Variants in SLCO2A1 observed in about 807,000 individuals in gnomAD.
SLCO2A1 encodes matrin F/G 1.
SLCO2A1 carries 60 observed loss-of-function variants against 71.7 expected under a neutral mutation model. The ratio of observed to expected loss-of-function variants is 0.84; its 90% CI spans 0.68 to 1.04. SLCO2A1 has a LOEUF of 1.04. SLCO2A1 is among the 50% of genes least tolerant of loss of function. SLCO2A1 has a pLI of 0.00. For synonymous variants in SLCO2A1, 308 were observed against 326.7 expected, an observed-to-expected ratio of 0.94 and a Z score of 0.62; for missense variants, 745 against 813.4, an observed-to-expected ratio of 0.92 and a Z score of 1.02.
rs188266798 is a variant in SLCO2A1, at chr3:134,021,004, T to C, written c.96+8703A>G. ...CCATTTGAGTGGAAGCGTGGCCTCA[T>C]CACCCACGGCATGCCTGTACCGGCA... is the stretch of plus-strand genomic sequence containing the variant. On this transcript the variant is annotated intron_variant, in intron 1 of 13. Transcript: ENST00000310926. Among the ~76,000 whole-genome samples the C allele has an allele frequency of 2.9e-3, 438 of 152,362 alleles. 2 individuals carry two copies. Among genetic ancestry groups the C allele is most frequent in the African/African-American group, 9.9e-3 (412 of 41,598 alleles).
Position 134,029,827 on chromosome 3 carries a change from G to C in SLCO2A1, c.-25C>G. 6 of 1,356,902 alleles carry C rather than the reference G, an allele frequency of 4.4e-6. No homozygotes were observed. Among genetic ancestry groups the C allele is most frequent in the Non-Finnish European group, 5.7e-6 (6 of 1,052,944 alleles). The allele number at this position is 1,356,902 out of a possible 1,614,324, so 84.1% of individuals were successfully genotyped here. A position where few individuals can be genotyped will look rare whatever the true frequency, so the allele number is the denominator to read the frequency against. On this transcript the variant is annotated 5_prime_UTR_variant, in exon 1 of 14. Coordinates refer to ENST00000310926, the MANE Select transcript of SLCO2A1 (RefSeq NM_005630.3). ...TGGCTGCGGGCGGCTGGCCGGGCGC[G>C]GAGTGGCGCGGGGTCGGGGCGCCTC...
intron 1 of SLCO2A1, among the ~76,000 whole-genome samples, chr3:133,984,798 T>C (rs1426878876): frequency 6.6e-6 from 1 of 152,220 alleles, no homozygotes; most frequent in African/African-American, 2.4e-5. Flanking sequence ...GTTATAGTTT[T>C]TGATGATTTG....
At chr3:133,982,385 C>T (rs1934615489) in intron 1 of SLCO2A1, among the ~76,000 whole-genome samples, 1 of 152,184 alleles carries the variant, frequency 6.6e-6, no homozygotes, top group Admixed American at 6.5e-5. Context: ...GGATGATGGC[C>T]TCCAATCTCA....
At chr3:134,010,427 A>G (rs1346755314) in intron 1 of SLCO2A1, among the ~76,000 whole-genome samples, 1 of 152,056 alleles carries the variant, frequency 6.6e-6, no homozygotes, top group Non-Finnish European at 1.5e-5. Context: ...CAAGAGTGAG[A>G]GTGCAAAGGG....
chr3:134,018,686 A>C (rs1173118625), intron 1 of SLCO2A1, among the ~76,000 whole-genome samples: 1 of 152,194 alleles, frequency 6.6e-6, no homozygotes, highest in African/African-American at 2.4e-5. Context: ...TTTGGTCCCA[A>C]GGGCAAGTTT....
intron 12 of SLCO2A1, among the ~76,000 whole-genome samples, chr3:133,936,463 C>A (rs1347622060): frequency 6.6e-6 from 1 of 152,206 alleles, no homozygotes; most frequent in Non-Finnish European, 1.5e-5. Flanking sequence ...CAATACCTGG[C>A]TGCTCAAAGC....
Position 133,948,677 on chromosome 3 carries a change from G to A in SLCO2A1, c.964C>T (p.Leu322Phe), listed in dbSNP as rs770557222. 2.5e-6 allele frequency: 4 copies of A among 1,614,064 alleles called. No individual in the cohort carries two copies. Among genetic ancestry groups the A allele is most frequent in the Non-Finnish European group, 3.4e-6 (4 of 1,179,954 alleles). Residue 322 changes from leucine (L) to phenylalanine (F), a missense_variant, in exon 8 of 14, where the codon CTC becomes TTC. Transcript: ENST00000310926. ...AGGACGAAGAGTGAGTTCATCAGGA[G>A]CCTCAGAAAGATGCATGGAAACCCT... ...IKRFPCIFLR[L>F]LMNSLFVLVV...
Position 133,942,688 on chromosome 3 carries a change from G to C in SLCO2A1, c.1542C>G (p.Phe514Leu). ...AGATGAGGAAGATGGCCGGGAGCAG[G>C]AAGTGGGCACAGGGGACAGGGCACG... ...TGSCPVPCAH[F>L]LLPAIFLISF... Residue 514 changes from phenylalanine (F) to leucine (L), a missense_variant, in exon 11 of 14, where the codon TTC (phenylalanine) becomes TTG (leucine). Physicochemically the swap from Phe to Leu is conservative, Grantham distance 22 (BLOSUM62 0). Transcript: ENST00000310926. The C allele has an allele frequency of 3.1e-6, 5 of 1,614,134 alleles. No homozygotes were observed. Among genetic ancestry groups the C allele is most frequent in the Non-Finnish European group, 4.2e-6 (5 of 1,180,016 alleles).
intron 2 of SLCO2A1, among the ~76,000 whole-genome samples, chr3:133,976,651 C>G (rs781698348): frequency 1.3e-5 from 2 of 151,408 alleles, no homozygotes; most frequent in Non-Finnish European, 2.9e-5. Flanking sequence ...CCTCAGTCTC[C>G]TCAGCCCTGG....
At chr3:134,005,175 G>A (rs1285268819) in intron 1 of SLCO2A1, among the ~76,000 whole-genome samples, 1 of 152,186 alleles carries the variant, frequency 6.6e-6, no homozygotes, top group Non-Finnish European at 1.5e-5. Flanking sequence ...GATTCCTTGT[G>A]CATTCTGTAT....
chr3:133,937,096 C>T lies in SLCO2A1; in HGVS notation c.1691-1199G>A, dbSNP rs536635418. On this transcript the variant is annotated intron_variant, in intron 12 of 13. Coordinates refer to ENST00000310926, the MANE Select transcript of SLCO2A1 (RefSeq NM_005630.3). The stretch of plus-strand genomic sequence containing the variant: ...AAAGCAGCGAGTGCTTCAAGCAGTG[C>T]GAGAGAGTCCGAGAGAGTCCTTGTT... Among the ~76,000 whole-genome samples, 10 of 152,086 alleles carry T rather than the reference C, an allele frequency of 6.6e-5. No homozygotes were observed. In the South Asian group the frequency reaches 2.1e-3, roughly 32 times the overall value.
Position 133,964,204 on chromosome 3 carries a change from A to G in SLCO2A1, c.398-9011T>C, listed in dbSNP as rs772278844. ...TTGTGGGGCAATGGAAGAAATTCAC[A>G]CCTTGAAGCCAGACAGATGAGGTTC... is the stretch of plus-strand genomic sequence containing the variant. On this transcript the variant is annotated intron_variant, in intron 3 of 13. Transcript: ENST00000310926. Among the ~76,000 whole-genome samples the G allele has an allele frequency of 7.2e-5, 11 of 152,196 alleles. 1 individual carries two copies. Among genetic ancestry groups the G allele is most frequent in the Non-Finnish European group, 1.0e-4 (7 of 68,040 alleles).
intron 3 of SLCO2A1, among the ~76,000 whole-genome samples, chr3:133,968,274 C>G (rs1342634496): frequency 6.6e-6 from 1 of 151,728 alleles, no homozygotes; most frequent in Non-Finnish European, 1.5e-5. Context: ...CTCACATACA[C>G]ACCTATACAC....
At chr3:134,029,658 G>A in intron 1 of SLCO2A1, 49 bp downstream of exon 1, 2 of 1,469,588 alleles carry the variant, frequency 1.4e-6, no homozygotes, top group South Asian at 1.2e-5. Context: ...CCAGCCGAAG[G>A]TGCGCCAGGC....
chr3:133,998,046 C>T (rs1401352034), intron 1 of SLCO2A1, among the ~76,000 whole-genome samples: 1 of 152,198 alleles, frequency 6.6e-6, no homozygotes, highest in African/African-American at 2.4e-5. Flanking sequence ...AACCTGCCTT[C>T]AGCAAGAGCC....
At chr3:133,999,490 G>C (rs1187555280) in intron 1 of SLCO2A1, among the ~76,000 whole-genome samples, 1 of 152,212 alleles carries the variant, frequency 6.6e-6, no homozygotes. Flanking sequence ...GAGCAGGGCT[G>C]CCTCCCCCAG....
chr3:134,008,680 T>C (rs1935272684), intron 1 of SLCO2A1, among the ~76,000 whole-genome samples: 1 of 152,172 alleles, frequency 6.6e-6, no homozygotes, highest in Admixed American at 6.5e-5. Context: ...CAGATACATT[T>C]GCTTCTCCAG....
intron 3 of SLCO2A1, among the ~76,000 whole-genome samples, chr3:133,965,144 G>T (rs569537884): frequency 6.6e-6 from 1 of 152,312 alleles, no homozygotes; most frequent in Non-Finnish European, 1.5e-5. Flanking sequence ...AAAACCGTTA[G>T]CGGAGCCAAC....
At chr3:133,979,460 G>A (rs1934533290) in intron 2 of SLCO2A1, 21 bp downstream of exon 2, 2 of 1,614,054 alleles carry the variant, frequency 1.2e-6, no homozygotes, top group East Asian at 4.5e-5. Flanking sequence ...GGAGTCTGAT[G>A]GACCAGAACC....
Sources: gnomAD v4.1 joint callset for allele counts (sites outside exome capture counted in the v4.1 genomes callset) on GRCh38, gnomAD v4.1.1 for gene constraint, MANE v1.5 for transcripts, NCBI Gene and HGNC (gene_info 2026-07-23, HGNC 2026-07-21) for gene names.